The following ADGRL2 variants were observed in gnomAD, a reference collection of about 807,000 sequenced individuals.
ADGRL2 encodes the protein adhesion G protein-coupled receptor L2.
In ADGRL2, 44 loss-of-function variants were observed where a neutral mutation model predicts 157.4. The ratio of observed to expected loss-of-function variants is 0.28; its 90% CI spans 0.22 to 0.36. The LOEUF is 0.36. Ranked by LOEUF, ADGRL2 falls within the 10% of genes least tolerant of loss-of-function variation. The pLI is 1.00. For missense variants in ADGRL2, 1,510 were observed against 1,768.9 expected, an observed-to-expected ratio of 0.85 and a Z score of 2.63; for synonymous variants, 585 against 624.7, an observed-to-expected ratio of 0.94 and a Z score of 0.95.
At chr1:81,870,296 C>T (rs1688649) in intron 2 of ADGRL2, among the ~76,000 whole-genome samples, 19,000 of 151,854 alleles carry the variant, frequency 0.13, 1,288 homozygotes, top group Admixed American at 0.21. Flanking sequence ...TCTACAGTCC[C>T]GACACCCAGA....
intron 2 of ADGRL2, among the ~76,000 whole-genome samples, chr1:81,905,625 A>G (rs1198222345): frequency 6.6e-6 from 1 of 152,236 alleles, no homozygotes; most frequent in African/African-American, 2.4e-5. Context: ...TTTTGACAAA[A>G]TAGTAAGAAT....
intron 2 of ADGRL2, among the ~76,000 whole-genome samples, chr1:81,875,511 A>G (rs2093815241): frequency 6.6e-6 from 1 of 152,186 alleles, no homozygotes; most frequent in Non-Finnish European, 1.5e-5. Context: ...GTTCATTGTT[A>G]TATAGGATTT....
At chr1:81,940,867 T>A (rs1222116466) in intron 4 of ADGRL2, among the ~76,000 whole-genome samples, 1 of 151,468 alleles carries the variant, frequency 6.6e-6, no homozygotes, top group Non-Finnish European at 1.5e-5. Flanking sequence ...TAGAATACGG[T>A]TTACCAACAA....
chr1:81,512,048 T>A (rs1418107331), intron 2 of ADGRL2, among the ~76,000 whole-genome samples: 2 of 152,170 alleles, frequency 1.3e-5, no homozygotes, highest in Non-Finnish European at 2.9e-5. Flanking sequence ...TACCTCATCG[T>A]GCTAAAAGAG....
chr1:81,502,582 C>G (rs1384847393), intron 2 of ADGRL2: 3 of 1,613,876 alleles, frequency 1.9e-6, no homozygotes, highest in Non-Finnish European at 2.5e-6. Flanking sequence ...AGATCATCAA[C>G]AAGAAGATCT....
chr1:81,860,884 G>A (rs1382215379), intron 2 of ADGRL2, among the ~76,000 whole-genome samples: 1 of 152,024 alleles, frequency 6.6e-6, no homozygotes, highest in Non-Finnish European at 1.5e-5. Context: ...TTTATCTTAT[G>A]AAACTACTTT....
chr1:81,901,907 C>G (rs2094494703), intron 2 of ADGRL2, among the ~76,000 whole-genome samples: 1 of 152,114 alleles, frequency 6.6e-6, no homozygotes, highest in Admixed American at 6.6e-5. Context: ...TATTTTCCAT[C>G]AGTTGTTTTG....
chr1:81,857,659 A>G (rs1484877118), intron 2 of ADGRL2, among the ~76,000 whole-genome samples: 2 of 152,178 alleles, frequency 1.3e-5, no homozygotes, highest in Non-Finnish European at 2.9e-5. Flanking sequence ...TCTGAATAGA[A>G]AGGATTTTGT....
At chr1:81,462,664 C>G (rs1383677370) in intron 2 of ADGRL2, among the ~76,000 whole-genome samples, 1 of 152,164 alleles carries the variant, frequency 6.6e-6, no homozygotes, top group Non-Finnish European at 1.5e-5. Flanking sequence ...TCTTGCTCCT[C>G]AGATTTTCCA....
At chr1:81,406,776 C>A (rs1172497477) in intron 1 of ADGRL2, among the ~76,000 whole-genome samples, 1 of 152,084 alleles carries the variant, frequency 6.6e-6, no homozygotes, top group African/African-American at 2.4e-5. Context: ...ACTCTGCTCC[C>A]CAATCAGCAA....
intron 1 of ADGRL2, among the ~76,000 whole-genome samples, chr1:81,443,704 C>T (rs1444969001): frequency 2.0e-5 from 3 of 152,196 alleles, no homozygotes; most frequent in African/African-American, 7.2e-5. Flanking sequence ...GCTTCACCAT[C>T]TCACTGCTTT....
At chr1:81,817,683 A>G (rs2090548228) in intron 1 of ADGRL2, among the ~76,000 whole-genome samples, 1 of 152,112 alleles carries the variant, frequency 6.6e-6, no homozygotes, top group Non-Finnish European at 1.5e-5. Context: ...AATAAAAATC[A>G]TAAAGTTAAA....
chr1:81,618,192 T>C (rs2081705873), intron 3 of ADGRL2, among the ~76,000 whole-genome samples: 1 of 152,214 alleles, frequency 6.6e-6, no homozygotes, highest in Non-Finnish European at 1.5e-5. Flanking sequence ...ATTTGTATTA[T>C]GGCACTTGAC....
At chr1:81,630,766 A>G (rs2081996619) in intron 3 of ADGRL2, among the ~76,000 whole-genome samples, 1 of 152,218 alleles carries the variant, frequency 6.6e-6, no homozygotes, top group Non-Finnish European at 1.5e-5. Context: ...GTTTGCAATC[A>G]TAAAAATAAT....
intron 1 of ADGRL2, among the ~76,000 whole-genome samples, chr1:81,330,850 T>C (rs186652233): frequency 6.6e-6 from 1 of 152,292 alleles, no homozygotes; most frequent in East Asian, 1.9e-4. Context: ...ATAGGTGCAT[T>C]TGAGAAAATA....
chr1:81,678,123 G>T (rs1311505905), intron 3 of ADGRL2, among the ~76,000 whole-genome samples: 2 of 151,992 alleles, frequency 1.3e-5, no homozygotes, highest in South Asian at 2.1e-4. Context: ...ATTCCTGCAG[G>T]ACTTATAATT....
At chr1:81,663,149 C>A (rs1343321010) in intron 3 of ADGRL2, among the ~76,000 whole-genome samples, 1 of 145,568 alleles carries the variant, frequency 6.9e-6, no homozygotes, top group Non-Finnish European at 1.5e-5. Flanking sequence ...AAGAAAGCTT[C>A]TTTCCAAGAG....
At chr1:81,925,276 C>G (rs769312084) in intron 3 of ADGRL2, among the ~76,000 whole-genome samples, 3 of 151,958 alleles carry the variant, frequency 2.0e-5, no homozygotes, top group Non-Finnish European at 2.9e-5. Flanking sequence ...CTTATTAATT[C>G]AGTTCATATA....
At chr1:81,971,295 A>G (rs1658656592) in intron 16 of ADGRL2, among the ~76,000 whole-genome samples, 1 of 152,172 alleles carries the variant, frequency 6.6e-6, no homozygotes, top group African/African-American at 2.4e-5. Flanking sequence ...AAGTTTATGC[A>G]TCATTTACTC....
Sources: allele counts gnomAD v4.1 joint callset (sites outside exome capture counted in the v4.1 genomes callset), GRCh38; gene constraint gnomAD v4.1.1; transcripts MANE v1.5; gene names NCBI Gene and HGNC (gene_info 2026-07-23, HGNC 2026-07-21).